The following ARAP2 variants were observed in gnomAD, a reference collection of about 807,000 sequenced individuals.
ARAP2 encodes the protein ArfGAP with RhoGAP domain, ankyrin repeat and PH domain 2.
A neutral mutation model predicts 194.5 loss-of-function variants in ARAP2; 148 were observed. The observed-to-expected ratio is 0.76, with a 90% CI of 0.67 to 0.87. The LOEUF (loss-of-function observed/expected upper bound fraction) is 0.87, where lower values mean the gene tolerates loss of function less well. Among genes scored for constraint, ARAP2 ranks in the 40% least tolerant of loss-of-function variants. ARAP2 has a pLI of 0.00. For missense variants in ARAP2, 2,128 were observed against 1,989.7 expected, an observed-to-expected ratio of 1.07 and a Z score of -1.32; for synonymous variants, 695 against 683.5, an observed-to-expected ratio of 1.02 and a Z score of -0.26.
chr4:36,106,783 TTAAA>T, intron 27 of ARAP2, among the ~76,000 whole-genome samples: 1 of 152,042 alleles, frequency 6.6e-6, no homozygotes, highest in East Asian at 1.9e-4. Flanking sequence ...AAAAAAAACT[TTAAA>T]TGAGCTTTGG....
rs1560265020 is a variant in ARAP2 at position 36,014,321 on chromosome 4, A to AAG, written n.1056+1064_1056+1065insCT. On this transcript the variant is annotated intron_variant and non_coding_transcript_variant, in intron 8 of 12. Coordinates refer to the ARAP2 transcript ENST00000503225. Reference sequence around the variant, plus strand: ...AGAAGAGAAGGAAGGAAAGAAAGAAAGAGAGAAAGAAAGAAAGAAAGAAAG... The same window carrying AAG: ...AGAAGAGAAGGAAGGAAAGAAAGAAAAGGAGAGAAAGAAAGAAAGAAAGAAAG... 6.4e-4 allele frequency among the ~76,000 whole-genome samples: 69 copies of AAG among 107,410 alleles called. 2 individuals carry two copies. Among genetic ancestry groups the AAG allele is most frequent in the Non-Finnish European group, 9.3e-4 (44 of 47,114 alleles). The allele number at this position is 107,410 out of a possible 152,430, so 70.5% of individuals were successfully genotyped here.
chr4:36,082,405 A>G (rs1371751347), intron 29 of ARAP2, 119 bp from the exon 30 acceptor site: 3 of 996,576 alleles, frequency 3.0e-6, no homozygotes, highest in Non-Finnish European at 4.4e-6. Flanking sequence ...AGACTTCCAC[A>G]AGTGGTGATT....
chr4:36,120,316 T>C (rs1007746872), intron 23 of ARAP2, among the ~76,000 whole-genome samples: 5 of 151,730 alleles, frequency 3.3e-5, no homozygotes, highest in South Asian at 4.1e-4. Context: ...TCTATTCCTA[T>C]GTAAATTAAG....
At chr4:36,206,256 GGAGCTCTGACTGCCAGTCGTTGTCT>G (rs1313279054) in intron 6 of ARAP2, among the ~76,000 whole-genome samples, 3 of 152,200 alleles carry the variant, frequency 2.0e-5, no homozygotes, top group African/African-American at 7.2e-5. Context: ...TTGGCTTCTG[GGAGCTCTGACTGCCAGTCGTTGTCT>G]GAGCTCTGAC....
chr4:36,179,528 A>G (rs1317750775), intron 8 of ARAP2, among the ~76,000 whole-genome samples: 1 of 152,242 alleles, frequency 6.6e-6, no homozygotes, highest in Non-Finnish European at 1.5e-5. Context: ...TAGAGTGTAA[A>G]AGGAGAAGAA....
chr4:36,052,800 T>C (rs1207263588), intron 2 of ARAP2, among the ~76,000 whole-genome samples: 1 of 151,986 alleles, frequency 6.6e-6, no homozygotes, highest in African/African-American at 2.4e-5. Context: ...CCGTCTCTAC[T>C]AAAAATACAA....
rs555899587 is a variant in ARAP2, at chr4:36,071,640, T to G, written c.4743+2049A>C. 6.2e-4 allele frequency among the ~76,000 whole-genome samples: 95 copies of G among 152,216 alleles called. 1 individual carries two copies. The highest frequency in any genetic ancestry group is 2.2e-3 in the African/African-American group (90 of 41,580). On this transcript the variant is annotated intron_variant, in intron 32 of 32. Coordinates refer to ENST00000303965, the MANE Select transcript of ARAP2 (RefSeq NM_015230.4). The stretch of plus-strand genomic sequence containing the variant: ...TTCTTCTTGAATATATTCATTGTTA[T>G]GACTGATTTTTATTAATATATAATA...
intron 12 of ARAP2, 149 bp from the exon 13 acceptor site, chr4:36,160,790 A>C: frequency 1.5e-6 from 1 of 647,326 alleles, no homozygotes. Context: ...CAGAAAAAGG[A>C]AGTATGAAAG....
At chr4:36,012,548 A>G (rs1324667170) in intron 9 of ARAP2, 1 of 152,218 alleles carries the variant, frequency 6.6e-6, no homozygotes, top group Non-Finnish European at 1.5e-5. Context: ...TAAAATCTAC[A>G]GCAAAATCAC....
rs112220683 is a variant in ARAP2 at position 36,219,010 on chromosome 4, A to G, written c.906-4530T>C. 9.7e-3 allele frequency among the ~76,000 whole-genome samples: 1,474 copies of G among 152,334 alleles called. 10 individuals carry two copies. The highest frequency in any genetic ancestry group is 0.014 in the Non-Finnish European group (937 of 68,014). On this transcript the variant is annotated intron_variant, in intron 2 of 32. Transcript: ENST00000303965. Reference sequence around the variant, plus strand: ...GTTCAATCTCATTAGTTATCATGAAATGCAAATGTAAACCACAACAAAATA... The same window carrying G: ...GTTCAATCTCATTAGTTATCATGAAGTGCAAATGTAAACCACAACAAAATA...
chr4:36,203,772 G>A (rs73129103), intron 6 of ARAP2, among the ~76,000 whole-genome samples: 3,078 of 152,086 alleles, frequency 0.02, 100 homozygotes, highest in African/African-American at 0.07. Context: ...CGGTGCTTCC[G>A]ATCAGTTTTG....
chr4:36,147,169 T>C, intron 19 of ARAP2, 127 bp downstream of exon 19: 1 of 735,374 alleles, frequency 1.4e-6, no homozygotes, highest in Non-Finnish European at 2.3e-6. Flanking sequence ...TATATGTATA[T>C]TTATATGATT....
chr4:36,180,303 G>C (rs1016347514), intron 8 of ARAP2, among the ~76,000 whole-genome samples: 5 of 152,054 alleles, frequency 3.3e-5, no homozygotes, highest in African/African-American at 1.2e-4. Context: ...AAAAGAATTG[G>C]TGCTTGTTGC....
At chr4:36,233,384 G>T (rs1560734530) in intron 1 of ARAP2, among the ~76,000 whole-genome samples, 3 of 146,576 alleles carry the variant, frequency 2.0e-5, no homozygotes. Flanking sequence ...ACTGCTGTGG[G>T]TCCTACGAGT....
chr4:36,017,214 TTAAA>T (rs1456013860), intron 6 of ARAP2, among the ~76,000 whole-genome samples: 1 of 151,884 alleles, frequency 6.6e-6, no homozygotes, highest in African/African-American at 2.4e-5. Flanking sequence ...TTATTTCTTA[TTAAA>T]TAATTAATGT....
intron 19 of ARAP2, among the ~76,000 whole-genome samples, chr4:36,140,085 T>C (rs1272031672): frequency 6.6e-6 from 1 of 150,478 alleles, no homozygotes; most frequent in Admixed American, 6.7e-5. Context: ...AGTCCTTCAT[T>C]GGATTGTAGA....
intron 5 of ARAP2, among the ~76,000 whole-genome samples, chr4:36,028,607 TG>T (rs1467155807): frequency 2.2e-5 from 2 of 92,666 alleles, no homozygotes; most frequent in African/African-American, 6.1e-5. Context: ...GTTTGTCTTC[TG>T]TTTTTTTTCC....
chr4:36,226,101 C>T (rs1055098700), intron 2 of ARAP2, among the ~76,000 whole-genome samples: 5 of 151,860 alleles, frequency 3.3e-5, no homozygotes, highest in Non-Finnish European at 7.4e-5. Flanking sequence ...CTATTAACTA[C>T]CATAATCAAA....
At chr4:36,192,159 A>G (rs1742048535) in intron 7 of ARAP2, among the ~76,000 whole-genome samples, 1 of 131,050 alleles carries the variant, frequency 7.6e-6, no homozygotes, top group Non-Finnish European at 1.6e-5. Flanking sequence ...CACCAAATCC[A>G]GTGTTTCTGT....
Sources: gnomAD v4.1 joint callset for allele counts (sites outside exome capture counted in the v4.1 genomes callset) on GRCh38, gnomAD v4.1.1 for gene constraint, MANE v1.5 for transcripts, NCBI Gene and HGNC (gene_info 2026-07-23, HGNC 2026-07-21) for gene names.